The following USP15 variants were observed in gnomAD, a reference collection of about 807,000 sequenced individuals.
USP15 encodes the protein ubiquitin carboxyl-terminal hydrolase 15.
A neutral mutation model predicts 127.1 loss-of-function variants in USP15; 18 were observed. That is an observed-to-expected ratio of 0.14 (90% CI 0.10 to 0.21). The LOEUF is 0.21. USP15 is among the 10% of genes least tolerant of loss of function. The pLI is 1.00. For missense variants in USP15, 805 were observed against 1,159.9 expected (o/e 0.69, Z 4.44); for synonymous variants, 364 against 393.7 (o/e 0.92, Z 0.89).
intron 3 of USP15, among the ~76,000 whole-genome samples, chr12:62,307,588 G>T (rs999466238): frequency 6.6e-6 from 1 of 152,052 alleles, no homozygotes; most frequent in Non-Finnish European, 1.5e-5. Context: ...TGCTTTCCGC[G>T]ATTTCAGTTA....
intron 8 of USP15, among the ~76,000 whole-genome samples, chr12:62,372,033 TAAA>T: frequency 6.6e-6 from 1 of 152,106 alleles, no homozygotes; most frequent in Non-Finnish European, 1.5e-5. Context: ...TGTATTTTAA[TAAA>T]AATAATGTGT....
At chr12:62,263,634 A>G (rs2137021978) in intron 1 of USP15, among the ~76,000 whole-genome samples, 1 of 152,384 alleles carries the variant, frequency 6.6e-6, no homozygotes, top group South Asian at 2.1e-4. Context: ...ATTGAGAAGT[A>G]AATCAAAATT....
rs11174462 is a variant in USP15 at position 62,405,621 on chromosome 12, A to G, written c.*1246A>G. ...CCCTTTGATATAGTTGAAAGAATGT[A>G]TTGTAAATTGGCATACAATACTGCC... On this transcript the variant is annotated 3_prime_UTR_variant, in exon 22 of 22. Coordinates refer to ENST00000280377, the MANE Select transcript of USP15 (RefSeq NM_001252078.2). 9,792 of 152,660 alleles carry G rather than the reference A, an allele frequency of 0.064. 419 individuals carry two copies. The highest frequency in any genetic ancestry group is 0.11 in the Middle Eastern group (33 of 294). The allele number at this position is 152,660 out of a possible 1,614,324, so 9.5% of individuals were successfully genotyped here.
intron 8 of USP15, among the ~76,000 whole-genome samples, chr12:62,378,027 C>A (rs1337830828): frequency 6.6e-6 from 1 of 151,832 alleles, no homozygotes; most frequent in Non-Finnish European, 1.5e-5. Flanking sequence ...GCCAACATGG[C>A]GAAACCCCAA....
intron 19 of USP15, 60 bp downstream of exon 19, chr12:62,393,262 C>G: frequency 6.4e-7 from 1 of 1,563,794 alleles, no homozygotes; most frequent in Admixed American, 1.9e-5. Flanking sequence ...TTATTTGATG[C>G]TTTTTGTTAT....
At chr12:62,378,193 T>G (rs1398980278) in intron 8 of USP15, among the ~76,000 whole-genome samples, 1 of 152,014 alleles carries the variant, frequency 6.6e-6, no homozygotes, top group Non-Finnish European at 1.5e-5. Context: ...GGTGACAGAG[T>G]GAGACTCCAT....
chr12:62,392,293 G>C lies in USP15; in HGVS notation c.2326G>C (p.Val776Leu). The change falls in exon 18 of 22, where the codon GTG (valine) becomes CTG (leucine). Residue 776 changes from valine (V) to leucine (L), a missense_variant. This residue lies in a region of USP15 where 225 missense variants were observed against 239.5 expected (regional missense o/e 0.94). Transcript: ENST00000280377. Reference sequence around the variant, plus strand: ...TTAGGACTTTGAAAAACATGAAAGTGTGGAGTATAAACCTCCTAAAAAACC... The same window carrying C: ...TTAGGACTTTGAAAAACATGAAAGTCTGGAGTATAAACCTCCTAAAAAACC... The part of the protein sequence containing the change: ...AAEDFEKHES[V>L]EYKPPKKPFV... 1 of 1,598,762 alleles carries C rather than the reference G, an allele frequency of 6.3e-7. No individual in the cohort carries two copies. Among genetic ancestry groups the C allele is most frequent in the Non-Finnish European group, 8.5e-7 (1 of 1,175,202 alleles).
chr12:62,295,003 A>G (rs977035942), intron 2 of USP15, among the ~76,000 whole-genome samples: 2 of 152,230 alleles, frequency 1.3e-5, no homozygotes, highest in South Asian at 4.1e-4. Flanking sequence ...ACATGGGAAG[A>G]TGAAACCCAT....
chr12:62,282,417 G>A (rs1431339348), intron 1 of USP15, among the ~76,000 whole-genome samples: 1 of 152,148 alleles, frequency 6.6e-6, no homozygotes, highest in Non-Finnish European at 1.5e-5. Flanking sequence ...GGACAGTTAT[G>A]ACAATATTCT....
chr12:62,328,566 A>G (rs914898297), intron 6 of USP15, among the ~76,000 whole-genome samples: 2 of 152,252 alleles, frequency 1.3e-5, no homozygotes. Context: ...TTTATTAGAA[A>G]ATAAAAGATT....
rs1466622962 is a variant in USP15, at chr12:62,260,471, G to C, written c.57G>C (p.Leu19=). 1 of 1,551,982 alleles carries C rather than the reference G, an allele frequency of 6.4e-7. No homozygotes were observed. The highest frequency in any genetic ancestry group is 1.4e-5 in the African/African-American group (1 of 73,206). The change falls in exon 1 of 22, where the codon CTG becomes CTC. Residue 19 remains leucine, a synonymous_variant. Coordinates refer to ENST00000280377, the MANE Select transcript of USP15 (RefSeq NM_001252078.2). ...CCCAGCGGTCTGACATCGCGACGCTGCTCAAAACCTCGCTCCGGAAAGGGG... is the reference window on the plus strand; with the variant it reads ...CCCAGCGGTCTGACATCGCGACGCTCCTCAAAACCTCGCTCCGGAAAGGGG... ...LDTQRSDIAT[L]LKTSLRKGDT... is the part of the protein sequence containing the mutation.
chr12:62,341,061 T>A (rs1436251501), intron 6 of USP15, among the ~76,000 whole-genome samples: 1 of 152,208 alleles, frequency 6.6e-6, no homozygotes, highest in Non-Finnish European at 1.5e-5. Context: ...GGTGCTCCTA[T>A]ATTGGGTCCA....
At chr12:62,368,842 T>G (rs1347072399) in intron 8 of USP15, among the ~76,000 whole-genome samples, 1 of 152,234 alleles carries the variant, frequency 6.6e-6, no homozygotes, top group Non-Finnish European at 1.5e-5. Context: ...TTTGTTCCTG[T>G]CATTACGATA....
intron 3 of USP15, among the ~76,000 whole-genome samples, chr12:62,305,278 CA>C (rs2064449271): frequency 6.6e-6 from 1 of 151,722 alleles, no homozygotes; most frequent in Non-Finnish European, 1.5e-5. Context: ...AAAGCAAAGG[CA>C]AAAAAATTTC....
At position 62,389,592 on chromosome 12, in the gene USP15, C is replaced by T. The variant is rs749582140; in HGVS notation, c.1558-13C>T. The T allele has an allele frequency of 1.9e-5, 31 of 1,609,194 alleles. No individual in the cohort carries two copies. The highest frequency in any genetic ancestry group is 1.4e-4 in the South Asian group (13 of 90,120). On this transcript the variant is annotated splice_polypyrimidine_tract_variant and intron_variant, in intron 12 of 21. Coordinates refer to ENST00000280377, the MANE Select transcript of USP15 (RefSeq NM_001252078.2). ...CTGTAAAACCAGCTTAATAGAAATT[C>T]GTTTCCTTTTAGATGATAGTTACTG... is the stretch of plus-strand genomic sequence containing the variant.
At chr12:62,304,272 G>T (rs1476066865) in intron 3 of USP15, among the ~76,000 whole-genome samples, 4 of 152,082 alleles carry the variant, frequency 2.6e-5, no homozygotes, top group Non-Finnish European at 1.5e-5. Flanking sequence ...AAAAAACATT[G>T]ACAAATCTCT....
intron 11 of USP15, among the ~76,000 whole-genome samples, chr12:62,388,589 C>G (rs756143526): frequency 2.6e-5 from 4 of 152,182 alleles, no homozygotes; most frequent in African/African-American, 4.8e-5. Flanking sequence ...CTCTTCAGCA[C>G]ATGTGAACAG....
intron 8 of USP15, among the ~76,000 whole-genome samples, chr12:62,379,000 C>G (rs964843436): frequency 4.0e-5 from 6 of 151,878 alleles, no homozygotes; most frequent in African/African-American, 7.3e-5. Flanking sequence ...TACCCTGGTA[C>G]CTGCTTTCAT....
intron 7 of USP15, among the ~76,000 whole-genome samples, chr12:62,351,598 A>G (rs1202527541): frequency 6.6e-6 from 1 of 152,040 alleles, no homozygotes; most frequent in African/African-American, 2.4e-5. Context: ...CTTAGTAAAT[A>G]CGTGACAGTA....
Sources: gnomAD v4.1 joint callset for allele counts (sites outside exome capture counted in the v4.1 genomes callset) on GRCh38, gnomAD v4.1.1 for gene constraint, gnomAD v4.1.1 regional missense constraint, MANE v1.5 for transcripts, NCBI Gene and HGNC (gene_info 2026-07-23, HGNC 2026-07-21) for gene names.